The following GALNT9 variants were observed in gnomAD, a reference collection of about 807,000 sequenced individuals.
The protein encoded by GALNT9 is GalNAc transferase 9.
Under a neutral mutation model 63.1 loss-of-function variants are expected in GALNT9, and 47 were observed. The ratio of observed to expected loss-of-function variants is 0.75; its 90% confidence interval spans 0.59 to 0.95. The LOEUF (loss-of-function observed/expected upper bound fraction) is 0.95, where lower values mean the gene tolerates loss of function less well. Ranked by LOEUF, GALNT9 falls within the 40% of genes least tolerant of loss-of-function variation. The pLI, the probability that GALNT9 is intolerant of heterozygous loss-of-function variation, is 0.00. For synonymous variants in GALNT9, 396 were observed against 365.7 expected (o/e 1.08, Z -0.94); for missense variants, 829 against 874.8 (o/e 0.95, Z 0.66).
rs1442789031 is a variant in GALNT9, at chr12:132,236,874, G to A, written c.1077+11036C>T. The stretch of plus-strand genomic sequence containing the variant: ...GTTTGGCTGTGGTCTTTGTGGCATC[G>A]GGATGGGAAAGCCATGTGGGTGCTG... On this transcript the variant is annotated intron_variant, in intron 6 of 10. Coordinates refer to ENST00000328957, the MANE Select transcript of GALNT9 (RefSeq NM_001122636.2). This position sits in a 1 kb window ranked among gnomAD's most constrained non-coding sequence, Gnocchi z 5.6. Among the ~76,000 whole-genome samples, 4 of 152,126 alleles carry A rather than the reference G, an allele frequency of 2.6e-5. No homozygotes were observed. Among genetic ancestry groups the A allele is most frequent in the African/African-American group, 9.7e-5 (4 of 41,404 alleles).
chr12:132,318,433 C>A (rs1868619583), intron 1 of GALNT9, among the ~76,000 whole-genome samples: 1 of 151,864 alleles, frequency 6.6e-6, no homozygotes, highest in African/African-American at 2.4e-5. Context: ...CCTTCGTGAC[C>A]CAGCTTTCAG....
At chr12:132,269,320 G>GC (rs1879777246) in intron 2 of GALNT9, among the ~76,000 whole-genome samples, 1 of 152,244 alleles carries the variant, frequency 6.6e-6, no homozygotes, top group African/African-American at 2.4e-5. Context: ...CGGGTCCCAT[G>GC]CCCCCCGCGG....
chr12:132,247,223 C>T (rs1168302296), intron 6 of GALNT9, among the ~76,000 whole-genome samples: 3 of 152,122 alleles, frequency 2.0e-5, no homozygotes, highest in Admixed American at 1.3e-4. Context: ...GGCAGAAGCC[C>T]GGCCGAGCTC....
chr12:132,287,711 G>A (rs1880658414), intron 1 of GALNT9, among the ~76,000 whole-genome samples: 1 of 152,232 alleles, frequency 6.6e-6, no homozygotes, highest in Non-Finnish European at 1.5e-5. Flanking sequence ...CTGACAGGGA[G>A]GCTCCGCAGC....
At chr12:132,312,548 A>T (rs147842756) in intron 1 of GALNT9, among the ~76,000 whole-genome samples, 1 of 152,192 alleles carries the variant, frequency 6.6e-6, no homozygotes, top group Non-Finnish European at 1.5e-5. Flanking sequence ...CTGATGGTGC[A>T]CACACCTGGG....
chr12:132,329,317 C>A lies in GALNT9; in HGVS notation c.-114G>T. On this transcript the variant is annotated 5_prime_UTR_variant, in exon 1 of 11. Transcript: ENST00000328957. Reference sequence around the variant, plus strand: ...GAGCCGCCCGGGGCTGCGGGGGCTGCGGGGCTCGGCCGGAGCTGTCCCTTC... The same window carrying A: ...GAGCCGCCCGGGGCTGCGGGGGCTGAGGGGCTCGGCCGGAGCTGTCCCTTC... The A allele has an allele frequency of 1.4e-6, 2 of 1,408,256 alleles. No individual in the cohort carries two copies. Among genetic ancestry groups the A allele is most frequent in the East Asian group, 2.7e-5 (1 of 37,440 alleles). The allele number at this position is 1,408,256 out of a possible 1,614,324, so 87.2% of individuals were successfully genotyped here.
intron 1 of GALNT9, among the ~76,000 whole-genome samples, chr12:132,305,843 T>G (rs1881591779): frequency 6.6e-6 from 1 of 152,182 alleles, no homozygotes; most frequent in Non-Finnish European, 1.5e-5. Context: ...GCCTGGGGTT[T>G]CCCTACTGGC....
At chr12:132,240,972 T>C (rs1878288677) in intron 6 of GALNT9, among the ~76,000 whole-genome samples, 3 of 120,954 alleles carry the variant, frequency 2.5e-5, no homozygotes, top group African/African-American at 1.0e-4. Flanking sequence ...CCTATACCCA[T>C]TACACACACG....
intron 6 of GALNT9, among the ~76,000 whole-genome samples, chr12:132,225,769 C>T (rs986301217): frequency 0.57 from 76,105 of 134,630 alleles, 21,842 homozygotes; most frequent in East Asian, 0.7. Flanking sequence ...ACACTACACA[C>T]GCTGTATACA....
chr12:132,210,086 G>A (rs111579867), intron 6 of GALNT9, among the ~76,000 whole-genome samples: 1 of 152,202 alleles, frequency 6.6e-6, no homozygotes, highest in Non-Finnish European at 1.5e-5. Flanking sequence ...CACCAAGGCT[G>A]AGGGGCCGTC....
At chr12:132,251,486 C>T (rs971615945) in intron 5 of GALNT9, among the ~76,000 whole-genome samples, 5 of 152,122 alleles carry the variant, frequency 3.3e-5, no homozygotes, top group African/African-American at 1.2e-4. Context: ...GGGTTGGGGT[C>T]GCTGACTCCT....
At chr12:132,228,874 T>C (rs892554768) in intron 6 of GALNT9, among the ~76,000 whole-genome samples, 2 of 152,208 alleles carry the variant, frequency 1.3e-5, no homozygotes, top group Non-Finnish European at 2.9e-5. Context: ...CTCTAGGACT[T>C]TCCTCATTAG....
At chr12:132,293,793 G>A (rs533259374) in intron 1 of GALNT9, among the ~76,000 whole-genome samples, 3 of 135,202 alleles carry the variant, frequency 2.2e-5, no homozygotes, top group South Asian at 2.2e-4. Flanking sequence ...ACGAGAAGCC[G>A]GGGGGTCCCG....
chr12:132,287,077 G>A (rs1357132678), intron 1 of GALNT9, among the ~76,000 whole-genome samples: 1 of 67,472 alleles, frequency 1.5e-5, no homozygotes, highest in Non-Finnish European at 3.3e-5. Context: ...CCCCCCCCGT[G>A]AGCCACAGCC....
chr12:132,305,405 A>G (rs1555244530), intron 1 of GALNT9, among the ~76,000 whole-genome samples: 1 of 60,070 alleles, frequency 1.7e-5, no homozygotes, highest in Non-Finnish European at 3.0e-5. Flanking sequence ...ACCGGGGCAC[A>G]CCCTCACCCG....
At chr12:132,328,926 G>A (rs1418572073) in intron 1 of GALNT9, 40 bp downstream of exon 1, 2 of 1,478,656 alleles carry the variant, frequency 1.4e-6, no homozygotes, top group Non-Finnish European at 1.8e-6. Context: ...CACTGTCCCG[G>A]GCAGGGCTGC....
intron 6 of GALNT9, among the ~76,000 whole-genome samples, chr12:132,204,042 C>G (rs1296459500): frequency 6.6e-6 from 1 of 152,030 alleles, no homozygotes; most frequent in Non-Finnish European, 1.5e-5. Flanking sequence ...ACCCCCCGCC[C>G]CACTGCACCA....
At chr12:132,318,914 G>A (rs1868650052) in intron 1 of GALNT9, among the ~76,000 whole-genome samples, 1 of 152,232 alleles carries the variant, frequency 6.6e-6, no homozygotes, top group South Asian at 2.1e-4. Context: ...CTAACGGAGA[G>A]GCAGGAAGCC....
chr12:132,258,952 G>A (rs1181839033), intron 4 of GALNT9, among the ~76,000 whole-genome samples: 1 of 152,232 alleles, frequency 6.6e-6, no homozygotes, highest in Non-Finnish European at 1.5e-5. Flanking sequence ...ATTCGGGTCG[G>A]CTCAGGCAGA....
Sources: gnomAD v4.1 joint callset for allele counts (sites outside exome capture counted in the v4.1 genomes callset) on GRCh38, gnomAD v4.1.1 for gene constraint, Gnocchi (gnomAD v3.1) non-coding constraint, MANE v1.5 for transcripts, NCBI Gene and HGNC (gene_info 2026-07-23, HGNC 2026-07-21) for gene names.